The following TNRC6C variants were observed in gnomAD, a reference collection of about 807,000 sequenced individuals.
TNRC6C encodes trinucleotide repeat containing adaptor 6C, also known as trinucleotide repeat-containing gene 6C protein.
Under a neutral mutation model 153.7 loss-of-function variants are expected in TNRC6C, and 20 were observed. The observed-to-expected ratio is 0.13, with a 90% CI of 0.09 to 0.19. The LOEUF is 0.19. Among genes scored for constraint, TNRC6C ranks in the 10% least tolerant of loss-of-function variants. The probability of loss-of-function intolerance (pLI) is 1.00; values close to 1 mark genes in which losing one functional copy is unlikely to be tolerated. For synonymous variants in TNRC6C, 811 were observed against 841.4 expected, an observed-to-expected ratio of 0.96 and a Z score of 0.63; for missense variants, 1,987 against 2,172.0, an observed-to-expected ratio of 0.91 and a Z score of 1.69.
At chr17:78,090,656 A>C (rs2073377140) in intron 13 of TNRC6C, among the ~76,000 whole-genome samples, 2 of 152,104 alleles carry the variant, frequency 1.3e-5, no homozygotes, top group African/African-American at 4.8e-5. Flanking sequence ...TTCTTTATTA[A>C]CCTAGCTTAG....
In TNRC6C at chr17:78,032,321, C is replaced by G. The variant is rs148508842; in HGVS notation, c.-219+479C>G. Among the ~76,000 whole-genome samples the G allele has an allele frequency of 4.1e-3, 630 of 152,338 alleles. 1 individual carries two copies. The highest frequency in any genetic ancestry group is 6.7e-3 in the Non-Finnish European group (459 of 68,028). ...TGATACCTCCTCATCCTAAGCCCTG[C>G]TTCTTGTTGCTTCCTTGCCTGTAAC... On this transcript the variant is annotated intron_variant, in intron 2 of 19. Transcript: ENST00000301624.
intron 2 of TNRC6C, among the ~76,000 whole-genome samples, chr17:78,043,289 C>T (rs1307734034): frequency 6.6e-6 from 1 of 152,164 alleles, no homozygotes; most frequent in African/African-American, 2.4e-5. Flanking sequence ...AGTGTGGCCC[C>T]GAGGCTGCAG....
At chr17:78,096,117 A>T (rs2073481669) in intron 16 of TNRC6C, among the ~76,000 whole-genome samples, 1 of 152,222 alleles carries the variant, frequency 6.6e-6, no homozygotes, top group South Asian at 2.1e-4. Context: ...GGCCGAGCTG[A>T]CACCCTTTTA....
chr17:78,027,295 C>T (rs541564985), intron 1 of TNRC6C, among the ~76,000 whole-genome samples: 2 of 152,052 alleles, frequency 1.3e-5, no homozygotes, highest in South Asian at 4.2e-4. Context: ...ATGTGGAGTC[C>T]AGGAGAGGTG....
In TNRC6C at chr17:78,051,167, A is replaced by G. The variant is rs1243742059; in HGVS notation, c.2105A>G (p.Lys702Arg). The G allele has an allele frequency of 1.3e-6, 2 of 1,577,662 alleles. No homozygotes were observed. Among genetic ancestry groups the G allele is most frequent in the Admixed American group, 3.6e-5 (2 of 55,784 alleles). ...GGGGGGCCGGTACCGGTCAAACAGA[A>G]GGACAGCAGTGAAGCAACTGGCTGG... The change falls in exon 3 of 20, where the codon AAG becomes AGG. Residue 702 changes from lysine (K) to arginine (R), a missense_variant. Around this residue, in one of 4 missense-constraint regions of TNRC6C, gnomAD observed 1,052 missense variants for 1,017.0 expected, o/e 1.03. Coordinates refer to ENST00000301624, the Ensembl canonical transcript of TNRC6C.
chr17:78,087,118 G>T, intron 13 of TNRC6C, 25 bp downstream of exon 15: 1 of 1,609,356 alleles, frequency 6.2e-7, no homozygotes. Flanking sequence ...GTCTTCAACA[G>T]CCACATCAGG....
At chr17:78,061,133 C>T (rs986963491) in intron 3 of TNRC6C, among the ~76,000 whole-genome samples, 15 of 152,150 alleles carry the variant, frequency 9.9e-5, no homozygotes, top group African/African-American at 2.9e-4. Context: ...AGGGAGGTAA[C>T]GATTCTAAGA....
At chr17:78,006,318 C>T (rs964412441) in intron 1 of TNRC6C, among the ~76,000 whole-genome samples, 13 of 152,186 alleles carry the variant, frequency 8.5e-5, no homozygotes, top group African/African-American at 3.1e-4. Context: ...CTGTTATACT[C>T]TCAGAAGCAC....
intron 18 of TNRC6C, chr17:78,102,910 A>G (rs962864056): frequency 2.0e-5 from 5 of 249,808 alleles, no homozygotes; most frequent in African/African-American, 2.3e-5. Context: ...GGCCGAGGCC[A>G]GGGATCACCT....
Position 78,038,960 on chromosome 17 carries a change from T to C in TNRC6C, c.-219+7118T>C, listed in dbSNP as rs1306049049. Among the ~76,000 whole-genome samples the C allele has an allele frequency of 2.0e-5, 3 of 151,668 alleles. No individual in the cohort carries two copies. In the East Asian group the frequency reaches 5.9e-4, roughly 30 times the overall value. ...GACGCTGGTGTGCTGTTGGTCGGAA[T>C]GTAAGGAGGCATGTGGCAGGATTTA... On this transcript the variant is annotated intron_variant, in intron 2 of 19. Transcript: ENST00000301624.
intron 3 of TNRC6C, among the ~76,000 whole-genome samples, chr17:78,053,332 T>A (rs1366954210): frequency 1.3e-5 from 2 of 152,016 alleles, no homozygotes; most frequent in African/African-American, 2.4e-5. Context: ...ATGAAGGGAT[T>A]TGAAAAATAA....
At position 78,104,851 on chromosome 17, in the gene TNRC6C, G is replaced by T; in HGVS notation, c.*6G>T. The T allele has an allele frequency of 7.0e-7, 1 of 1,418,714 alleles. No individual in the cohort carries two copies. 87.9% of individuals were successfully genotyped at this position (1,418,714 alleles called of 1,614,324 possible). ...TCAGCGGGGAGTCCCTGTAGGCTCTGCCATCATCAGCACCAGGAGAGCCGA... is the reference window on the plus strand; with the variant it reads ...TCAGCGGGGAGTCCCTGTAGGCTCTTCCATCATCAGCACCAGGAGAGCCGA... On this transcript the variant is annotated 3_prime_UTR_variant, in exon 20 of 20. Transcript: ENST00000301624. The surrounding 1 kb of genome is among the most constrained non-coding windows in gnomAD (Gnocchi z 6.2).
At chr17:78,091,496 G>T in exon 14 of TNRC6C, 1 of 1,609,196 alleles carries the variant, frequency 6.2e-7, no homozygotes, top group Non-Finnish European at 8.5e-7. Context: ...TGGCTTGTCG[G>T]TGAAGGACCC....
upstream of TNRC6C, among the ~76,000 whole-genome samples, chr17:78,003,066 C>A (rs955911308): frequency 1.3e-5 from 2 of 152,034 alleles, no homozygotes; most frequent in Non-Finnish European, 2.9e-5. Context: ...AGCAGTGGTG[C>A]AATTCTGGGT....
At chr17:78,063,082 C>G (rs2072800813) in intron 3 of TNRC6C, among the ~76,000 whole-genome samples, 1 of 151,796 alleles carries the variant, frequency 6.6e-6, no homozygotes, top group African/African-American at 2.4e-5. Context: ...CCTGTCCTTA[C>G]TAAAAATTCA....
chr17:78,096,107 G>A (rs1342327509), intron 16 of TNRC6C, among the ~76,000 whole-genome samples: 2 of 152,182 alleles, frequency 1.3e-5, no homozygotes, highest in East Asian at 1.9e-4. Flanking sequence ...CAGTGCGCAC[G>A]GCCGAGCTGA....
exon 5 of TNRC6C, chr17:78,067,799 A>G (rs1176103156): frequency 5.0e-6 from 8 of 1,613,674 alleles, no homozygotes; most frequent in Non-Finnish European, 5.9e-6. Flanking sequence ...GGTGGGGATG[A>G]AATGAACCTC....
chr17:77,988,926 G>A (rs1157623904), intron 1 of TNRC6C, among the ~76,000 whole-genome samples: 3 of 152,156 alleles, frequency 2.0e-5, no homozygotes, highest in Non-Finnish European at 2.9e-5. Context: ...TAAGCTCCAC[G>A]AAAGCAGGGA....
chr17:77,981,843 G>T (rs936920618), intron 1 of TNRC6C, among the ~76,000 whole-genome samples: 2 of 152,300 alleles, frequency 1.3e-5, no homozygotes, highest in Non-Finnish European at 2.9e-5. Context: ...CAGAGACATT[G>T]TGGTCCACAA....
Sources: gnomAD v4.1 joint callset for allele counts (sites outside exome capture counted in the v4.1 genomes callset) on GRCh38, gnomAD v4.1.1 for gene constraint, gnomAD v4.1.1 regional missense constraint, Gnocchi (gnomAD v3.1) non-coding constraint, MANE v1.5 for transcripts, NCBI Gene and HGNC (gene_info 2026-07-23, HGNC 2026-07-21) for gene names.